The following RGS7 variants were observed in gnomAD, a reference collection of about 807,000 sequenced individuals.
RGS7 encodes the protein regulator of G protein signaling 7, also known as regulator of G-protein signaling 7.
A neutral mutation model predicts 81.1 loss-of-function variants in RGS7; 27 were observed. The ratio of observed to expected loss-of-function variants is 0.33; its 90% CI spans 0.25 to 0.46. RGS7 has a LOEUF of 0.46. Ranked by LOEUF, RGS7 falls within the 20% of genes least tolerant of loss-of-function variation. The probability of loss-of-function intolerance (pLI) is 1.00; values close to 1 mark genes in which losing one functional copy is unlikely to be tolerated. For missense variants in RGS7, 396 were observed against 607.4 expected (o/e 0.65, Z 3.66); for synonymous variants, 208 against 207.7 (o/e 1.00, Z -0.01).
intron 2 of RGS7, among the ~76,000 whole-genome samples, chr1:241,321,918 G>T (rs547044755): frequency 6.6e-6 from 1 of 152,220 alleles, no homozygotes; most frequent in East Asian, 1.9e-4. Flanking sequence ...TGCCTTCATT[G>T]TTGATTAACC....
At chr1:240,958,954 G>A (rs911774307) in intron 4 of RGS7, among the ~76,000 whole-genome samples, 2 of 152,188 alleles carry the variant, frequency 1.3e-5, no homozygotes, top group African/African-American at 2.4e-5. Context: ...TGAAAGACAG[G>A]CAGGCACGCT....
chr1:241,316,835 ATT>A (rs2080908460), intron 2 of RGS7, among the ~76,000 whole-genome samples: 1 of 152,154 alleles, frequency 6.6e-6, no homozygotes, highest in African/African-American at 2.4e-5. Context: ...TCAAAATTCC[ATT>A]TGTTTATCAA....
rs542018187 is a variant in RGS7, at chr1:240,817,146, G to A, written c.685-731C>T. On this transcript the variant is annotated intron_variant, in intron 10 of 18. Coordinates refer to ENST00000440928, the MANE Select transcript of RGS7 (RefSeq NM_001364886.1). ...TAGTAAGTATAAATAAAGATCTGGT[G>A]ACTAAAGGGATAAAAAACTATCTGT... 5.3e-5 allele frequency among the ~76,000 whole-genome samples: 8 copies of A among 152,338 alleles called. No individual in the cohort carries two copies. The South Asian group carries it at 1.7e-3, about 32-fold the overall frequency.
At chr1:241,220,994 G>GATGGAAGGAAGA (rs2074905232) in intron 2 of RGS7, among the ~76,000 whole-genome samples, 2 of 93,492 alleles carry the variant, frequency 2.1e-5, no homozygotes, top group African/African-American at 3.5e-5. Context: ...AGGAAGGAAG[G>GATGGAAGGAAGA]AAGAGAGAGA....
chr1:240,784,298 G>A (rs1218454085), intron 18 of RGS7, among the ~76,000 whole-genome samples: 2 of 152,104 alleles, frequency 1.3e-5, no homozygotes, highest in African/African-American at 4.8e-5. Flanking sequence ...TTAAAGGGTG[G>A]CTATGAAACA....
At chr1:240,864,925 C>T (rs909029803) in intron 9 of RGS7, among the ~76,000 whole-genome samples, 4 of 152,098 alleles carry the variant, frequency 2.6e-5, no homozygotes, top group Non-Finnish European at 5.9e-5. Flanking sequence ...AGTACAGGAG[C>T]TGCATTTGCA....
At chr1:241,089,065 A>C (rs201015891) in intron 3 of RGS7, among the ~76,000 whole-genome samples, 2,970 of 18,444 alleles carry the variant, frequency 0.16, 83 homozygotes, top group East Asian at 0.32. Context: ...CTCTCTCTCT[A>C]TATATATATA....
At chr1:241,074,986 T>G (rs1390171494) in intron 3 of RGS7, among the ~76,000 whole-genome samples, 5 of 152,172 alleles carry the variant, frequency 3.3e-5, no homozygotes, top group African/African-American at 1.2e-4. Flanking sequence ...AGCTTCCCAC[T>G]GCATTTGCCC....
chr1:241,280,611 C>T (rs1347873659), intron 2 of RGS7, among the ~76,000 whole-genome samples: 1 of 152,218 alleles, frequency 6.6e-6, no homozygotes, highest in African/African-American at 2.4e-5. Context: ...AATCCTCCTG[C>T]CTCAGCCTCC....
At chr1:241,127,617 C>T (rs531642330) in intron 2 of RGS7, among the ~76,000 whole-genome samples, 35 of 152,028 alleles carry the variant, frequency 2.3e-4, no homozygotes, top group Non-Finnish European at 4.3e-4. Context: ...GGGTGCAGCA[C>T]ACCAACATGG....
chr1:240,841,510 G>C lies in RGS7; in HGVS notation c.610-14338C>G, dbSNP rs577251270. ...CCATATGAGAAAAACCTGGATTCAA[G>C]ATATAAACTAAGAAAAGATAAAGCT... On this transcript the variant is annotated intron_variant, in intron 9 of 18. Coordinates refer to ENST00000440928, the MANE Select transcript of RGS7 (RefSeq NM_001364886.1). Among the ~76,000 whole-genome samples, 5 of 152,248 alleles carry C rather than the reference G, an allele frequency of 3.3e-5. No homozygotes were observed. The South Asian group carries it at 1.0e-3, about 32-fold the overall frequency.
intron 2 of RGS7, among the ~76,000 whole-genome samples, chr1:241,177,518 G>GAGGGTTATA (rs747648149): frequency 5.3e-5 from 8 of 152,188 alleles, no homozygotes; most frequent in Non-Finnish European, 8.8e-5. Flanking sequence ...GAAGCCCCTT[G>GAGGGTTATA]AGGGTTATAA....
intron 5 of RGS7, among the ~76,000 whole-genome samples, chr1:240,932,938 C>T (rs1309142861): frequency 2.5e-5 from 3 of 121,628 alleles, no homozygotes; most frequent in South Asian, 2.6e-4. Flanking sequence ...GGCTGGACTG[C>T]AGTGGCGCGA....
chr1:241,115,958 T>C (rs2065861279), intron 2 of RGS7, among the ~76,000 whole-genome samples: 1 of 152,080 alleles, frequency 6.6e-6, no homozygotes, highest in Non-Finnish European at 1.5e-5. Flanking sequence ...TGTCGCAATA[T>C]CTCATGGATT....
chr1:241,208,668 G>T (rs932170683), intron 2 of RGS7, among the ~76,000 whole-genome samples: 2 of 151,992 alleles, frequency 1.3e-5, no homozygotes, highest in African/African-American at 2.4e-5. Context: ...CCATCTTCAT[G>T]CCAGCATCAG....
chr1:241,143,925 AC>A (rs2068108868), intron 2 of RGS7, among the ~76,000 whole-genome samples: 1 of 152,092 alleles, frequency 6.6e-6, no homozygotes, highest in Non-Finnish European at 1.5e-5. Context: ...GCGAGAAGGA[AC>A]CATCTGTGAA....
intron 4 of RGS7, among the ~76,000 whole-genome samples, chr1:240,975,420 C>CAAAA (rs900116113): frequency 1.7e-4 from 26 of 151,864 alleles, no homozygotes; most frequent in Non-Finnish European, 2.8e-4. Context: ...AACAAACAAA[C>CAAAA]AAACAAAAAA....
At chr1:241,356,598 A>C (rs2083587580) in intron 1 of RGS7, among the ~76,000 whole-genome samples, 1 of 152,150 alleles carries the variant, frequency 6.6e-6, no homozygotes, top group African/African-American at 2.4e-5. Flanking sequence ...CAGAGCAACC[A>C]GCCAAAGAGG....
chr1:241,267,995 G>A (rs1267880779), intron 2 of RGS7, among the ~76,000 whole-genome samples: 3 of 152,000 alleles, frequency 2.0e-5, no homozygotes, highest in Non-Finnish European at 2.9e-5. Context: ...TAAAACATTT[G>A]TATTTCTTGT....
Sources: gnomAD v4.1 joint callset for allele counts (sites outside exome capture counted in the v4.1 genomes callset) on GRCh38, gnomAD v4.1.1 for gene constraint, MANE v1.5 for transcripts, NCBI Gene and HGNC (gene_info 2026-07-23, HGNC 2026-07-21) for gene names.